ENPP3: variants seen among roughly 807,000 people sequenced by gnomAD.
ENPP3 encodes ectonucleotide pyrophosphatase/phosphodiesterase 3.
In ENPP3, 104 loss-of-function variants were observed where a neutral mutation model predicts 117.8. The ratio of observed to expected loss-of-function variants is 0.88; its 90% CI spans 0.75 to 1.04. The LOEUF (loss-of-function observed/expected upper bound fraction) is 1.04, where lower values mean the gene tolerates loss of function less well. ENPP3 is among the 50% of genes least tolerant of loss of function. The pLI is 0.00. For synonymous variants in ENPP3, 380 were observed against 349.9 expected, an observed-to-expected ratio of 1.09 and a Z score of -0.96; for missense variants, 1,026 against 1,051.9, an observed-to-expected ratio of 0.98 and a Z score of 0.34.
Position 131,671,284 on chromosome 6 carries a change from T to C in ENPP3, c.599T>C (p.Met200Thr), listed in dbSNP as rs774062352. 3 of 1,607,692 alleles carry C rather than the reference T, an allele frequency of 1.9e-6. No homozygotes were observed. The highest frequency in any genetic ancestry group is 2.6e-6 in the Non-Finnish European group (3 of 1,174,150). Residue 200 changes from methionine to threonine, a missense_variant, in exon 7 of 25, where the codon ATG becomes ACG. By Grantham distance (81) the Met-to-Thr change is moderately conservative. Coordinates refer to ENST00000357639, the MANE Select transcript of ENPP3 (RefSeq NM_005021.5). ...ATTCATTCAAAATACATGAGAGCTA[T>C]GTATCCTACCAAAACCTTCCCAAAT... ...CGIHSKYMRA[M>T]YPTKTFPNHY... is the part of the protein sequence containing the mutation.
At chr6:131,717,861 A>G (rs1474637623) in intron 15 of ENPP3, among the ~76,000 whole-genome samples, 1 of 152,172 alleles carries the variant, frequency 6.6e-6, no homozygotes, top group African/African-American at 2.4e-5. Context: ...TAGTTCTACT[A>G]TAACTTTTCT....
rs1470389313 is a variant in ENPP3, at chr6:131,650,019, C to G, written c.155-8C>G. On this transcript the variant is annotated splice_region_variant and splice_polypyrimidine_tract_variant and intron_variant, in intron 2 of 24. Transcript: ENST00000357639. ...AAATGTTCGGGCCCTATTTCCTTTA[C>G]TTTGTAGGCAGCTGCAGGAAGAAGT... is the stretch of plus-strand genomic sequence containing the variant. 1 of 1,613,736 alleles carries G rather than the reference C, an allele frequency of 6.2e-7. No individual in the cohort carries two copies. Among genetic ancestry groups the G allele is most frequent in the Non-Finnish European group, 8.5e-7 (1 of 1,179,818 alleles).
chr6:131,643,460 C>T (rs1244948016), intron 2 of ENPP3, among the ~76,000 whole-genome samples: 1 of 152,120 alleles, frequency 6.6e-6, no homozygotes, highest in Non-Finnish European at 1.5e-5. Flanking sequence ...AGTTGATCAG[C>T]CCTATGTGGC....
intron 15 of ENPP3, chr6:131,709,768 G>A (rs1283887462): frequency 1.2e-6 from 2 of 1,613,704 alleles, no homozygotes; most frequent in African/African-American, 2.7e-5. Context: ...TTCCACTCTA[G>A]AAAGCTTCTC....
chr6:131,639,160 A>G (rs907846426), intron 1 of ENPP3, among the ~76,000 whole-genome samples: 1 of 151,914 alleles, frequency 6.6e-6, no homozygotes, highest in Non-Finnish European at 1.5e-5. Flanking sequence ...TAAGCCTAGT[A>G]ACAAAGTAAA....
intron 17 of ENPP3, 89 bp downstream of exon 17, chr6:131,720,468 G>T (rs1779991493): frequency 2.1e-5 from 13 of 628,220 alleles, no homozygotes; most frequent in Admixed American, 5.6e-5. Flanking sequence ...AATCCCAGAG[G>T]CTGGATGCTC....
chr6:131,733,994 T>G (rs543865642), intron 21 of ENPP3, among the ~76,000 whole-genome samples: 2 of 152,182 alleles, frequency 1.3e-5, no homozygotes, highest in East Asian at 1.9e-4. Context: ...AACTGGAGAT[T>G]CTTTGCAGAA....
chr6:131,687,422 C>A (rs1420322665), intron 14 of ENPP3, among the ~76,000 whole-genome samples: 1 of 152,066 alleles, frequency 6.6e-6, no homozygotes, highest in Non-Finnish European at 1.5e-5. Flanking sequence ...GGAAGGCAAC[C>A]TAGGAAATAC....
At chr6:131,693,739 T>C in intron 15 of ENPP3, 115 bp downstream of exon 15, 1 of 1,058,566 alleles carries the variant, frequency 9.4e-7, no homozygotes, top group Non-Finnish European at 1.4e-6. Context: ...AGCATTGACA[T>C]TTTCTGGCCT....
Position 131,640,976 on chromosome 6 carries a change from A to G in ENPP3, c.79-479A>G, listed in dbSNP as rs189119006. Among the ~76,000 whole-genome samples the G allele has an allele frequency of 1.3e-3, 192 of 152,264 alleles. 1 individual carries two copies. The highest frequency in any genetic ancestry group is 4.3e-3 in the African/African-American group (178 of 41,564). The stretch of plus-strand genomic sequence containing the variant: ...TGCTAGTTAACTATTTGGACAATGT[A>G]TTTTTACGTATGTTAAATATTATTA... On this transcript the variant is annotated intron_variant, in intron 1 of 24. Coordinates refer to ENST00000357639, the MANE Select transcript of ENPP3 (RefSeq NM_005021.5).
At chr6:131,652,697 C>G in intron 4 of ENPP3, 30 bp downstream of exon 4, 1 of 1,613,518 alleles carries the variant, frequency 6.2e-7, no homozygotes, top group African/African-American at 1.3e-5. Flanking sequence ...CTCATTTGCC[C>G]CTGCGAGTTT....
At chr6:131,663,315 G>A (rs764929733) in intron 6 of ENPP3, among the ~76,000 whole-genome samples, 2 of 151,570 alleles carry the variant, frequency 1.3e-5, no homozygotes, top group Non-Finnish European at 2.9e-5. Context: ...CTATAGCTAT[G>A]TGCCACATAA....
chr6:131,670,404 T>C (rs1315119844), intron 6 of ENPP3, among the ~76,000 whole-genome samples: 1 of 152,248 alleles, frequency 6.6e-6, no homozygotes, highest in African/African-American at 2.4e-5. Context: ...CTGTGGCCCA[T>C]AGGCCAAAAC....
Position 131,637,396 on chromosome 6 carries a change from G to A in ENPP3, c.12G>A (p.Thr4=), listed in dbSNP as rs1554259416. MES[T]LTLATEQPVK... ...CAGCTACCAGGACAATGGAATCTAC[G>A]TTGACTTTAGCAACGGAACAACCTG... is the stretch of plus-strand genomic sequence containing the variant. The change falls in exon 1 of 25, where the codon ACG becomes ACA. Residue 4 remains threonine (T), a synonymous_variant. Transcript: ENST00000357639. The A allele has an allele frequency of 2.5e-6, 4 of 1,595,774 alleles. No homozygotes were observed. Among genetic ancestry groups the A allele is most frequent in the Admixed American group, 1.7e-5 (1 of 57,194 alleles).
intron 6 of ENPP3, among the ~76,000 whole-genome samples, chr6:131,669,202 A>G (rs945532176): frequency 6.6e-6 from 1 of 152,202 alleles, no homozygotes; most frequent in Admixed American, 6.5e-5. Flanking sequence ...TTTTCTTGTT[A>G]TATGACTTCT....
At chr6:131,641,607 C>A (rs1194982187) in intron 2 of ENPP3, 77 bp downstream of exon 2, 3 of 923,248 alleles carry the variant, frequency 3.2e-6, no homozygotes, top group African/African-American at 1.6e-5. Flanking sequence ...AAATGTATCT[C>A]CCATCCCAAG....
intron 2 of ENPP3, among the ~76,000 whole-genome samples, chr6:131,642,430 A>G (rs185187993): frequency 6.6e-6 from 1 of 152,302 alleles, no homozygotes; most frequent in East Asian, 1.9e-4. Flanking sequence ...CTTTTGCTAT[A>G]TTTCATTATT....
At chr6:131,726,831 AC>A (rs1482826512) in intron 20 of ENPP3, among the ~76,000 whole-genome samples, 3 of 152,150 alleles carry the variant, frequency 2.0e-5, no homozygotes, top group Admixed American at 6.5e-5. Context: ...ACAGTCAACT[AC>A]CCTTCAGGAA....
At chr6:131,652,426 A>G (rs538213606) in intron 3 of ENPP3, 116 bp from the exon 4 acceptor site, 1 of 1,097,344 alleles carries the variant, frequency 9.1e-7, no homozygotes, top group African/African-American at 1.6e-5. Context: ...TCATTTATTA[A>G]TACAGATAAA....
Sources: gnomAD v4.1 joint callset for allele counts (sites outside exome capture counted in the v4.1 genomes callset) on GRCh38, gnomAD v4.1.1 for gene constraint, MANE v1.5 for transcripts, NCBI Gene and HGNC (gene_info 2026-07-23, HGNC 2026-07-21) for gene names.